INPP4B: variants seen among roughly 807,000 people sequenced by gnomAD.
INPP4B encodes the protein inositol polyphosphate-4-phosphatase type II B.
In INPP4B, 55 loss-of-function variants were observed where a neutral mutation model predicts 122.5. The observed-to-expected ratio is 0.45, with a 90% CI of 0.36 to 0.56. The LOEUF (loss-of-function observed/expected upper bound fraction) is 0.56. Among genes scored for constraint, INPP4B ranks in the 20% least tolerant of loss-of-function variants. The pLI is 0.00. For synonymous variants in INPP4B, 403 were observed against 388.7 expected, an observed-to-expected ratio of 1.04 and a Z score of -0.43; for missense variants, 1,000 against 1,097.7, an observed-to-expected ratio of 0.91 and a Z score of 1.26.
At chr4:142,382,628 A>G (rs1209792640) in intron 7 of INPP4B, among the ~76,000 whole-genome samples, 1 of 116,956 alleles carries the variant, frequency 8.6e-6, no homozygotes, top group African/African-American at 3.6e-5. Context: ...TATATACTAT[A>G]AATATATACA....
chr4:142,662,469 T>C (rs1191504932), intron 2 of INPP4B, among the ~76,000 whole-genome samples: 1 of 152,194 alleles, frequency 6.6e-6, no homozygotes, highest in African/African-American at 2.4e-5. Flanking sequence ...TTTCAGAGCA[T>C]GGTGTTGATG....
intron 9 of INPP4B, among the ~76,000 whole-genome samples, chr4:142,299,917 G>T (rs1372477574): frequency 6.6e-6 from 1 of 151,968 alleles, no homozygotes; most frequent in Non-Finnish European, 1.5e-5. Context: ...AGTTTAAGTA[G>T]ATATTGATAG....
intron 2 of INPP4B, among the ~76,000 whole-genome samples, chr4:142,657,141 T>C (rs1267942036): frequency 6.6e-6 from 1 of 152,154 alleles, no homozygotes; most frequent in Admixed American, 6.5e-5. Flanking sequence ...GTGTGTGATA[T>C]CTGTAAAAAG....
intron 7 of INPP4B, among the ~76,000 whole-genome samples, chr4:142,370,805 A>C (rs1190425812): frequency 6.6e-6 from 1 of 152,116 alleles, no homozygotes; most frequent in Non-Finnish European, 1.5e-5. Flanking sequence ...ACAAATGGAA[A>C]AACAACCCAT....
chr4:142,230,646 A>T (rs963750421), intron 12 of INPP4B, among the ~76,000 whole-genome samples: 11 of 104,668 alleles, frequency 1.1e-4, no homozygotes, highest in African/African-American at 4.5e-4. Context: ...TCCACCTCAA[A>T]AAAAAAAAAA....
At chr4:142,050,181 G>A (rs550575996) in intron 25 of INPP4B, among the ~76,000 whole-genome samples, 1 of 151,876 alleles carries the variant, frequency 6.6e-6, no homozygotes, top group Non-Finnish European at 1.5e-5. Flanking sequence ...GAAAACTGCT[G>A]CCAAGAAGTT....
chr4:142,327,292 T>G (rs990231133), intron 7 of INPP4B, among the ~76,000 whole-genome samples: 1 of 152,140 alleles, frequency 6.6e-6, no homozygotes, highest in Admixed American at 6.5e-5. Flanking sequence ...CTAAGTAGCT[T>G]TAAAACAAAA....
chr4:142,426,632 C>T (rs1417818878), intron 5 of INPP4B: 1 of 151,922 alleles, frequency 6.6e-6, no homozygotes, highest in East Asian at 1.9e-4. Flanking sequence ...GTACCTCCTA[C>T]CTTACTTATT....
intron 21 of INPP4B, among the ~76,000 whole-genome samples, chr4:142,114,242 G>A (rs927520688): frequency 4.6e-5 from 7 of 151,854 alleles, no homozygotes; most frequent in Non-Finnish European, 7.4e-5. Flanking sequence ...TCCATGATTC[G>A]GCGTATTATT....
intron 18 of INPP4B, among the ~76,000 whole-genome samples, chr4:142,132,436 T>A (rs1025013827): frequency 1.3e-5 from 2 of 152,212 alleles, no homozygotes; most frequent in Non-Finnish European, 2.9e-5. Flanking sequence ...GTTGTAAGAA[T>A]TAAATGAGTT....
At chr4:142,337,144 G>C (rs138712435) in intron 7 of INPP4B, among the ~76,000 whole-genome samples, 1 of 152,094 alleles carries the variant, frequency 6.6e-6, no homozygotes, top group Non-Finnish European at 1.5e-5. Context: ...GTTGCATACA[G>C]CTAAAGTACA....
At chr4:142,781,416 G>C (rs975908173) in intron 1 of INPP4B, among the ~76,000 whole-genome samples, 3 of 152,178 alleles carry the variant, frequency 2.0e-5, no homozygotes, top group Admixed American at 2.0e-4. Flanking sequence ...ACAGAAAAAG[G>C]AGGGAACAGC....
intron 1 of INPP4B, among the ~76,000 whole-genome samples, chr4:142,780,142 T>C (rs1774580030): frequency 6.6e-6 from 1 of 152,178 alleles, no homozygotes; most frequent in Non-Finnish European, 1.5e-5. Flanking sequence ...CAGGTTCAAT[T>C]TAGACACAAT....
chr4:142,192,333 T>TA (rs71586265), intron 15 of INPP4B, among the ~76,000 whole-genome samples: 77 of 8,974 alleles, frequency 8.6e-3, no homozygotes, highest in South Asian at 0.026. Context: ...AATCTAAAAG[T>TA]AAAAAAAAAA....
intron 2 of INPP4B, among the ~76,000 whole-genome samples, chr4:142,508,218 C>A (rs1353318276): frequency 1.3e-5 from 2 of 152,114 alleles, no homozygotes; most frequent in South Asian, 2.1e-4. Flanking sequence ...CTTTGACCAG[C>A]CTTGCCCCTA....
intron 23 of INPP4B, among the ~76,000 whole-genome samples, chr4:142,104,504 T>G (rs1177229753): frequency 6.6e-6 from 1 of 152,078 alleles, no homozygotes; most frequent in Non-Finnish European, 1.5e-5. Context: ...ATATCACAGG[T>G]AGGGCCTGAG....
At chr4:142,431,017 TA>T (rs1227773936) in intron 4 of INPP4B, 151 bp downstream of exon 4, 3 of 604,642 alleles carry the variant, frequency 5.0e-6, no homozygotes, top group African/African-American at 1.9e-5. Context: ...CCAAGGTAAA[TA>T]GTGCAAAGGA....
At chr4:142,091,512 T>A (rs1173613869) in intron 23 of INPP4B, among the ~76,000 whole-genome samples, 1 of 152,144 alleles carries the variant, frequency 6.6e-6, no homozygotes, top group Non-Finnish European at 1.5e-5. Context: ...GTTCACAGCC[T>A]CAGAGGGGAA....
Position 142,737,663 on chromosome 4 carries a change from G to T in INPP4B, c.-253-11762C>A, listed in dbSNP as rs1450358751. 2.6e-5 allele frequency among the ~76,000 whole-genome samples: 4 copies of T among 152,276 alleles called. No homozygotes were observed. In the East Asian group the frequency reaches 5.8e-4, roughly 22 times the overall value. ...TGCACAGCAAAAGAAACTACCATCA[G>T]ACTGAACAGGCAACCTACAGAATGG... On this transcript the variant is annotated intron_variant, in intron 1 of 25. Transcript: ENST00000262992.
Sources: allele counts gnomAD v4.1 joint callset (sites outside exome capture counted in the v4.1 genomes callset), GRCh38; gene constraint gnomAD v4.1.1; transcripts MANE v1.5; gene names NCBI Gene and HGNC (gene_info 2026-07-23, HGNC 2026-07-21).